Variants in RBPJL observed in about 807,000 individuals in gnomAD.
RBPJL encodes the protein recombining binding protein suppressor of hairless-like protein.
Under a neutral mutation model 57.6 loss-of-function variants are expected in RBPJL, and 50 were observed. The observed-to-expected ratio is 0.87, with a 90% confidence interval of 0.69 to 1.10. The LOEUF (loss-of-function observed/expected upper bound fraction) is 1.10. Ranked by LOEUF, RBPJL falls within the 50% of genes least tolerant of loss-of-function variation. RBPJL has a pLI of 0.00. For missense variants in RBPJL, 684 were observed against 693.7 expected, an observed-to-expected ratio of 0.99 and a Z score of 0.16; for synonymous variants, 303 against 294.4, an observed-to-expected ratio of 1.03 and a Z score of -0.30.
Position 45,312,279 on chromosome 20 carries a change from G to T in RBPJL, c.503G>T (p.Arg168Leu), listed in dbSNP as rs772836092. The change falls in exon 6 of 12, where the codon CGG (arginine) becomes CTG (leucine). Residue 168 changes from arginine to leucine, a missense_variant. Coordinates refer to ENST00000343694, the MANE Select transcript of RBPJL (RefSeq NM_014276.4). ...ISDADKRKHFRLVLRLVLRGG... is the reference protein window; with the variant it reads ...ISDADKRKHFLLVLRLVLRGG... ...GATGCAGACAAGAGGAAGCACTTTC[G>T]GCTGGTGCTGCGGCTGGTGCTGCGC... 1 of 1,614,148 alleles carries T rather than the reference G, an allele frequency of 6.2e-7. No individual in the cohort carries two copies.
At chr20:45,312,139 G>A (rs1446693264) in intron 5 of RBPJL, 82 bp from the exon 6 acceptor site, 2 of 1,596,282 alleles carry the variant, frequency 1.3e-6, no homozygotes, top group Non-Finnish European at 1.7e-6. Context: ...CGACGGGGCG[G>A]ACGTCCGATA....
intron 3 of RBPJL, 110 bp downstream of exon 3, chr20:45,309,802 A>G (rs1222868202): frequency 1.4e-6 from 2 of 1,403,080 alleles, no homozygotes; most frequent in African/African-American, 3.0e-5. Flanking sequence ...CAGGGCTGAG[A>G]TCTCAGCTAT....
Position 45,309,585 on chromosome 20 carries a change from C to A in RBPJL, c.150C>A (p.Thr50=). ...CTCCCAGGTCATCCCCAGAGCACACCACCATTCTGAGGGGAGGCGTGCGCA... is the reference window on the plus strand; with the variant it reads ...CTCCCAGGTCATCCCCAGAGCACACAACCATTCTGAGGGGAGGCGTGCGCA... ...GTWTRSSPEH[T]TILRGGVRRC... The change falls in exon 3 of 12, where the codon ACC becomes ACA. Residue 50 remains threonine, a synonymous_variant. Coordinates refer to ENST00000343694, the MANE Select transcript of RBPJL (RefSeq NM_014276.4). 6.2e-7 allele frequency: 1 copy of A among 1,612,386 alleles called. No individual in the cohort carries two copies. The highest frequency in any genetic ancestry group is 8.5e-7 in the Non-Finnish European group (1 of 1,179,236).
In RBPJL at chr20:45,309,597, G is replaced by A; in HGVS notation, c.162G>A (p.Arg54=). ...RSSPEHTTIL[R]GGVRRCLQQQ... ...CCCCAGAGCACACCACCATTCTGAG[G>A]GGAGGCGTGCGCAGGTGCCTGCAGC... Residue 54 remains arginine (R), a synonymous_variant, in exon 3 of 12, where the codon AGG becomes AGA. Coordinates refer to ENST00000343694, the MANE Select transcript of RBPJL (RefSeq NM_014276.4). The A allele has an allele frequency of 6.2e-7, 1 of 1,613,106 alleles. No homozygotes were observed. Among genetic ancestry groups the A allele is most frequent in the Non-Finnish European group, 8.5e-7 (1 of 1,179,534 alleles).
chr20:45,312,230 T>C lies in RBPJL; in HGVS notation c.454T>C (p.Cys152Arg). ...EQQPDSREFG[C>R]AKTLYISDAD... ...CCTGTGAGCCCCCTAGGAATTCGGCTGCGCCAAGACCCTGTACATCTCAGA... is the reference window on the plus strand; with the variant it reads ...CCTGTGAGCCCCCTAGGAATTCGGCCGCGCCAAGACCCTGTACATCTCAGA... Residue 152 changes from cysteine to arginine, a missense_variant, in exon 6 of 12, where the codon TGC (cysteine) becomes CGC (arginine). By Grantham distance (180) the Cys-to-Arg change is radical (BLOSUM62 -3). Coordinates refer to ENST00000343694, the MANE Select transcript of RBPJL (RefSeq NM_014276.4). The C allele has an allele frequency of 6.2e-7, 1 of 1,614,210 alleles. No individual in the cohort carries two copies. The highest frequency in any genetic ancestry group is 2.2e-5 in the East Asian group (1 of 44,876).
chr20:45,314,899 A>G (rs573519916), intron 9 of RBPJL, among the ~76,000 whole-genome samples: 4 of 152,276 alleles, frequency 2.6e-5, no homozygotes, highest in African/African-American at 9.6e-5. Flanking sequence ...ACTGGCCAAC[A>G]TGGTGAAATC....
chr20:45,313,895 C>A, intron 7 of RBPJL, 140 bp from the exon 8 acceptor site: 1 of 725,044 alleles, frequency 1.4e-6, no homozygotes, highest in Admixed American at 2.3e-5. Flanking sequence ...TTAGAACCTT[C>A]AGTTGGCTCC....
In RBPJL at chr20:45,308,171, T is replaced by G; in HGVS notation, c.51T>G (p.Thr17=). The G allele has an allele frequency of 6.2e-7, 1 of 1,613,886 alleles. No individual in the cohort carries two copies. The highest frequency in any genetic ancestry group is 1.1e-5 in the South Asian group (1 of 91,084). Reference sequence around the variant, plus strand: ...CCTCAGTGCCTCCCAATCCTTTGACTCACCTGAGCCTGCAGGACAGATCAG... The same window carrying G: ...CCTCAGTGCCTCCCAATCCTTTGACGCACCTGAGCCTGCAGGACAGATCAG... ...ADPSVPPNPL[T]HLSLQDRSEM... is the part of the protein sequence containing the mutation. Residue 17 remains threonine (T), a synonymous_variant, in exon 2 of 12, where the codon ACT becomes ACG. Transcript: ENST00000343694.
intron 4 of RBPJL, 46 bp downstream of exon 4, chr20:45,311,705 G>T: frequency 6.2e-7 from 1 of 1,604,086 alleles, no homozygotes; most frequent in Non-Finnish European, 8.5e-7. Context: ...CTGTAGGGAG[G>T]ACCACGAGAT....
rs775879348 is a variant in RBPJL at position 45,316,872 on chromosome 20, C to T, written c.1467C>T (p.Pro489=). ...YSVRPGHPGV[P]EPATDADALL... Reference sequence around the variant, plus strand: ...TGCGGCCGGGTCACCCCGGCGTCCCCGAGCCCGCCACCGACGCCGACGCGC... The same window carrying T: ...TGCGGCCGGGTCACCCCGGCGTCCCTGAGCCCGCCACCGACGCCGACGCGC... Residue 489 remains proline (P), a synonymous_variant, in exon 12 of 12, where the codon CCC becomes CCT. Transcript: ENST00000343694. 29 of 1,613,480 alleles carry T rather than the reference C, an allele frequency of 1.8e-5. No individual in the cohort carries two copies. In the African/African-American group the frequency reaches 2.9e-4, roughly 16 times the overall value.
chr20:45,315,958 A>C (rs1300958656), intron 9 of RBPJL: 3 of 399,920 alleles, frequency 7.5e-6, no homozygotes, highest in Non-Finnish European at 1.3e-5. Flanking sequence ...AAAATAAAGA[A>C]AAAAGAAAGA....
chr20:45,316,746 C>T lies in RBPJL; in HGVS notation c.1341C>T (p.Arg447=). 6.2e-7 allele frequency: 1 copy of T among 1,613,522 alleles called. No individual in the cohort carries two copies. Among genetic ancestry groups the T allele is most frequent in the Non-Finnish European group, 8.5e-7 (1 of 1,179,726 alleles). ...TGGCGGCCTTCTGCAGCGACTGGCG[C>T]TGGCTGCGCGCTCCCATCACAATCC... ...PDVAAFCSDW[R]WLRAPITIPM... Residue 447 remains arginine (R), a synonymous_variant, in exon 12 of 12, where the codon CGC becomes CGT. Coordinates refer to ENST00000343694, the MANE Select transcript of RBPJL (RefSeq NM_014276.4).
At chr20:45,307,029 A>C in intron 1 of RBPJL, 85 bp downstream of exon 1, 12 of 828,216 alleles carry the variant, frequency 1.4e-5, no homozygotes, top group Non-Finnish European at 1.8e-5. Flanking sequence ...CACTATACAA[A>C]TAGGAAAACT....
Position 45,316,246 on chromosome 20 carries a change from C to T in RBPJL, c.1080C>T (p.Thr360=). 1 of 1,614,250 alleles carries T rather than the reference C, an allele frequency of 6.2e-7. No homozygotes were observed. Among genetic ancestry groups the T allele is most frequent in the South Asian group, 1.1e-5 (1 of 91,092 alleles). Residue 360 remains threonine, a synonymous_variant, in exon 10 of 12, where the codon ACC becomes ACT. Transcript: ENST00000343694. ...TGCTTAACGACAGCTCTTGCTGGAC[C>T]ATCATCGGCACCGAGTCGGTGGAAT... The part of the protein sequence containing the change: ...RALLNDSSCW[T]IIGTESVEFS...
At position 45,316,570 on chromosome 20, in the gene RBPJL, A is replaced by G; in HGVS notation, c.1270A>G (p.Thr424Ala). 1 of 1,533,620 alleles carries G rather than the reference A, an allele frequency of 6.5e-7. No homozygotes were observed. The highest frequency in any genetic ancestry group is 8.8e-7 in the Non-Finnish European group (1 of 1,140,362). The change falls in exon 11 of 12, where the codon ACC becomes GCC. Residue 424 changes from threonine to alanine, a missense_variant. By Grantham distance (58) the Thr-to-Ala change is moderately conservative. Transcript: ENST00000343694. ...KVWFGDVEAE[T>A]MYRSPRSLVC... ...GTGGTTTGGGGACGTGGAGGCAGAA[A>G]CCATGTACAGGTACGGGGTGGTGAG...
intron 2 of RBPJL, among the ~76,000 whole-genome samples, chr20:45,308,936 C>T (rs2145684797): frequency 6.6e-6 from 1 of 152,256 alleles, no homozygotes; most frequent in East Asian, 1.9e-4. Flanking sequence ...GGTAGGAAAG[C>T]CCACACAGCA....
Position 45,307,245 on chromosome 20 carries a change from C to T in RBPJL, c.22+301C>T, listed in dbSNP as rs533865178. ...GTTTCTTGGCAGAGAGGGCCAGCTG[C>T]CCCTAACCCAACAGCAGCTCCGCCC... On this transcript the variant is annotated intron_variant, in intron 1 of 11. Transcript: ENST00000343694. Among the ~76,000 whole-genome samples, 184 of 152,254 alleles carry T rather than the reference C, an allele frequency of 1.2e-3. 1 individual carries two copies. Among genetic ancestry groups the T allele is most frequent in the Admixed American group, 6.0e-3 (92 of 15,304 alleles).
In RBPJL at chr20:45,313,608, A is replaced by T; in HGVS notation, c.757+3A>T. 21 of 1,604,396 alleles carry T rather than the reference A, an allele frequency of 1.3e-5. No individual in the cohort carries two copies. The highest frequency in any genetic ancestry group is 1.7e-5 in the Non-Finnish European group (20 of 1,174,802). ...GGCTGCCTTCACGCTCCACCTGGGT[A>T]ATGACATCTGCAGGCCCTGGAGCTG... is the stretch of plus-strand genomic sequence containing the variant. On this transcript the variant is annotated splice_donor_region_variant and intron_variant, in intron 7 of 11. Transcript: ENST00000343694.
Position 45,316,678 on chromosome 20 carries a change from AC to A in RBPJL, c.1281-3del, listed in dbSNP as rs1987487432. On this transcript the variant is annotated splice_polypyrimidine_tract_variant and splice_region_variant and intron_variant, in intron 11 of 11. Transcript: ENST00000343694. ...GCCGCAGCCCTCACCCTGGTGCTCCACCCCCAGGAGCCCGCGGTCCCTGGTG... is the reference window on the plus strand; with the variant it reads ...GCCGCAGCCCTCACCCTGGTGCTCCACCCCAGGAGCCCGCGGTCCCTGGTG... 3.2e-6 allele frequency: 5 copies of A among 1,585,680 alleles called. No individual in the cohort carries two copies. Among genetic ancestry groups the A allele is most frequent in the Non-Finnish European group, 4.3e-6 (5 of 1,165,434 alleles).
Sources: allele counts gnomAD v4.1 joint callset (sites outside exome capture counted in the v4.1 genomes callset), GRCh38; gene constraint gnomAD v4.1.1; transcripts MANE v1.5; gene names NCBI Gene and HGNC (gene_info 2026-07-23, HGNC 2026-07-21).